Variants in SH3PXD2A observed in about 807,000 individuals in gnomAD.
SH3PXD2A encodes the protein SH3 and PX domains 2A.
In SH3PXD2A, 32 loss-of-function variants were observed where a neutral mutation model predicts 115.2. The ratio of observed to expected loss-of-function variants is 0.28; its 90% CI spans 0.21 to 0.37. The LOEUF is 0.37. Among genes scored for constraint, SH3PXD2A ranks in the 10% least tolerant of loss-of-function variants. The probability of loss-of-function intolerance (pLI) is 1.00; values close to 1 mark genes in which losing one functional copy is unlikely to be tolerated. For synonymous variants in SH3PXD2A, 610 were observed against 629.1 expected (o/e 0.97, Z 0.45); for missense variants, 1,328 against 1,498.7 (o/e 0.89, Z 1.88).
At chr10:103,749,168 C>T (rs1222674361) in intron 3 of SH3PXD2A, among the ~76,000 whole-genome samples, 2 of 130,302 alleles carry the variant, frequency 1.5e-5, no homozygotes, top group African/African-American at 6.5e-5. Context: ...GGAGCCACTG[C>T]ACCCAGCCTT....
intron 1 of SH3PXD2A, among the ~76,000 whole-genome samples, chr10:103,846,203 G>C (rs1842847056): frequency 6.6e-6 from 1 of 152,268 alleles, no homozygotes; most frequent in African/African-American, 2.4e-5. Context: ...TGACAGCACA[G>C]GGACAGAGAA....
At chr10:103,772,407 A>C (rs11191801) in intron 2 of SH3PXD2A, among the ~76,000 whole-genome samples, 56,337 of 152,020 alleles carry the variant, frequency 0.37, 11,379 homozygotes, top group African/African-American at 0.55. Flanking sequence ...CCCAGCAGAG[A>C]GTTCTCCGGG....
At chr10:103,695,869 G>A (rs972256270) in intron 5 of SH3PXD2A, among the ~76,000 whole-genome samples, 6 of 152,308 alleles carry the variant, frequency 3.9e-5, no homozygotes, top group African/African-American at 7.2e-5. Flanking sequence ...CCTCCCCACC[G>A]AGGACTTCCG....
intron 1 of SH3PXD2A, among the ~76,000 whole-genome samples, chr10:103,818,264 C>T (rs2039344170): frequency 6.6e-6 from 1 of 152,216 alleles, no homozygotes; most frequent in Non-Finnish European, 1.5e-5. Flanking sequence ...GCTCCCTCTG[C>T]CCCCTCCTCC....
chr10:103,656,828 C>CAA (rs10692439), intron 8 of SH3PXD2A, among the ~76,000 whole-genome samples: 46,481 of 111,396 alleles, frequency 0.42, 9,584 homozygotes, highest in East Asian at 0.63. Context: ...AACTCCATCT[C>CAA]AAAAAAAAAA....
chr10:103,678,131 C>T lies in SH3PXD2A; in HGVS notation c.428-9479G>A, dbSNP rs190242108. The T allele has an allele frequency of 2.4e-5, 31 of 1,289,094 alleles. No homozygotes were observed. The East Asian group carries it at 1.2e-3, about 51-fold the overall frequency. 79.9% of individuals were successfully genotyped at this position (1,289,094 alleles called of 1,614,324 possible). ...GATGGACGCTACAGGAAACAGGAGCCGGAGCAGGAACGACCCGTTCATGTG... is the reference window on the plus strand; with the variant it reads ...GATGGACGCTACAGGAAACAGGAGCTGGAGCAGGAACGACCCGTTCATGTG... On this transcript the variant is annotated intron_variant, in intron 6 of 14. Coordinates refer to ENST00000369774, the MANE Select transcript of SH3PXD2A (RefSeq NM_001394015.1).
chr10:103,675,740 G>A (rs1486495923), intron 6 of SH3PXD2A, among the ~76,000 whole-genome samples: 1 of 152,180 alleles, frequency 6.6e-6, no homozygotes, highest in Non-Finnish European at 1.5e-5. Flanking sequence ...GGAAAGTGAG[G>A]CACAGAAAAG....
intron 3 of SH3PXD2A, 48 bp downstream of exon 3, chr10:103,767,042 CTGGT>C: frequency 1.4e-6 from 2 of 1,401,544 alleles, no homozygotes; most frequent in Non-Finnish European, 2.0e-6. Flanking sequence ...AAGGGAAGGA[CTGGT>C]CCTTCCCGGG....
intron 7 of SH3PXD2A, chr10:103,661,879 C>T (rs2037310479): frequency 3.0e-6 from 3 of 985,120 alleles, no homozygotes; most frequent in Admixed American, 6.1e-5. Context: ...AGAAAGTCCC[C>T]GCGCCAGCGG....
chr10:103,616,164 C>T (rs1195251476), intron 11 of SH3PXD2A, among the ~76,000 whole-genome samples: 12 of 152,222 alleles, frequency 7.9e-5, no homozygotes, highest in Non-Finnish European at 1.6e-4. Flanking sequence ...TCATGTTGTA[C>T]CATGTTCTGA....
chr10:103,779,107 C>A (rs757513757), intron 2 of SH3PXD2A, among the ~76,000 whole-genome samples: 5 of 152,188 alleles, frequency 3.3e-5, no homozygotes, highest in Admixed American at 1.3e-4. Context: ...CTTGCTCCGT[C>A]GCCCAGGCTG....
chr10:103,656,314 C>T lies in SH3PXD2A; in HGVS notation c.604+4669G>A, dbSNP rs79385988. 2.1e-3 allele frequency among the ~76,000 whole-genome samples: 314 copies of T among 152,356 alleles called. 1 individual carries two copies. Among genetic ancestry groups the T allele is most frequent in the African/African-American group, 7.0e-3 (293 of 41,574 alleles). ...GACCAGGGCTGGACACCCGATCTAA[C>T]GTTTGCCAATCCATTGCTGGTGAGA... On this transcript the variant is annotated intron_variant, in intron 8 of 14. Transcript: ENST00000369774.
rs1336703956 is a variant in SH3PXD2A at position 103,599,580 on chromosome 10, G to A, written c.*2236C>T. ...ACTTTTTTTCTCTTAATAAATATGT[G>A]CTGTTTAAAAATGAGAAAAGTATAT... On this transcript the variant is annotated 3_prime_UTR_variant, in exon 15 of 15. Coordinates refer to ENST00000369774, the MANE Select transcript of SH3PXD2A (RefSeq NM_001394015.1). The A allele has an allele frequency of 5.9e-5, 9 of 152,464 alleles. No homozygotes were observed. The highest frequency in any genetic ancestry group is 2.2e-4 in the African/African-American group (9 of 41,406). 9.4% of individuals were successfully genotyped at this position (152,464 alleles called of 1,614,324 possible). A position where few individuals can be genotyped will look rare whatever the true frequency, so the allele number is the denominator to read the frequency against.
chr10:103,644,386 C>T (rs1224513883), intron 8 of SH3PXD2A, among the ~76,000 whole-genome samples: 1 of 151,952 alleles, frequency 6.6e-6, no homozygotes, highest in African/African-American at 2.4e-5. Context: ...TCAAGACCAG[C>T]CTGGAAAACA....
intron 2 of SH3PXD2A, among the ~76,000 whole-genome samples, chr10:103,789,560 A>C (rs2039015161): frequency 1.4e-5 from 2 of 147,774 alleles, no homozygotes; most frequent in Admixed American, 6.7e-5. Context: ...CACACACAAC[A>C]CTCACCTGGC....
chr10:103,686,535 C>T (rs1170304112), intron 6 of SH3PXD2A, among the ~76,000 whole-genome samples: 1 of 152,174 alleles, frequency 6.6e-6, no homozygotes, highest in Non-Finnish European at 1.5e-5. Context: ...CAACAGCTAA[C>T]AACAACAGGC....
At chr10:103,840,049 C>T (rs2039582162) in intron 1 of SH3PXD2A, among the ~76,000 whole-genome samples, 1 of 152,238 alleles carries the variant, frequency 6.6e-6, no homozygotes, top group Non-Finnish European at 1.5e-5. Context: ...AGGCAAGAGC[C>T]CAGCGCTGCT....
intron 2 of SH3PXD2A, among the ~76,000 whole-genome samples, chr10:103,799,259 G>C (rs551563861): frequency 1.3e-5 from 2 of 152,298 alleles, no homozygotes; most frequent in African/African-American, 4.8e-5. Flanking sequence ...TATAGGATCC[G>C]CCATACCAAA....
intron 4 of SH3PXD2A, among the ~76,000 whole-genome samples, chr10:103,734,783 A>T (rs1280240453): frequency 6.6e-6 from 1 of 152,216 alleles, no homozygotes; most frequent in African/African-American, 2.4e-5. Flanking sequence ...ATTTTTAAAA[A>T]ATAAAGCTTT....
Sources: allele counts gnomAD v4.1 joint callset (sites outside exome capture counted in the v4.1 genomes callset), GRCh38; gene constraint gnomAD v4.1.1; transcripts MANE v1.5; gene names NCBI Gene and HGNC (gene_info 2026-07-23, HGNC 2026-07-21).